The following PRRC2C variants were observed in gnomAD, a reference collection of about 807,000 sequenced individuals.
PRRC2C encodes the protein protein PRRC2C.
Under a neutral mutation model 317.2 loss-of-function variants are expected in PRRC2C, and 72 were observed. The observed-to-expected ratio is 0.23, with a 90% CI of 0.19 to 0.28. PRRC2C has a LOEUF of 0.28. PRRC2C is among the 10% of genes least tolerant of loss of function. PRRC2C has a pLI of 1.00. For missense variants in PRRC2C, 3,074 were observed against 3,459.7 expected, an observed-to-expected ratio of 0.89 and a Z score of 2.80; for synonymous variants, 1,296 against 1,205.9, an observed-to-expected ratio of 1.07 and a Z score of -1.55.
intron 1 of PRRC2C, among the ~76,000 whole-genome samples, chr1:171,506,441 G>T (rs1000689271): frequency 1.3e-5 from 2 of 151,966 alleles, no homozygotes; most frequent in African/African-American, 4.8e-5. Flanking sequence ...ACGTTTCTTA[G>T]ACTTGGGCTT....
At chr1:171,503,115 G>A (rs1669450798) in intron 1 of PRRC2C, among the ~76,000 whole-genome samples, 1 of 152,180 alleles carries the variant, frequency 6.6e-6, no homozygotes, top group East Asian at 1.9e-4. Flanking sequence ...AGTGTTACAG[G>A]TGTGGGTTAG....
In PRRC2C at chr1:171,515,873, C is replaced by T; in HGVS notation, c.526+14C>T. ...TACGTCCACCAAGTAAGAGTACTTT[C>T]TCTTTAATACAAAATGAGATCATAT... On this transcript the variant is annotated intron_variant, in intron 5 of 34. Coordinates refer to ENST00000647382, the MANE Select transcript of PRRC2C (RefSeq NM_001387844.1). 6.4e-7 allele frequency: 1 copy of T among 1,572,630 alleles called. No individual in the cohort carries two copies. Among genetic ancestry groups the T allele is most frequent in the Non-Finnish European group, 8.6e-7 (1 of 1,162,596 alleles).
intron 3 of PRRC2C, among the ~76,000 whole-genome samples, chr1:171,513,969 C>G (rs1252641683): frequency 1.3e-5 from 2 of 152,166 alleles, no homozygotes; most frequent in Non-Finnish European, 2.9e-5. Context: ...TAACTACTTT[C>G]TTATTTTTAA....
chr1:171,492,218 C>T (rs1457493299), intron 1 of PRRC2C, among the ~76,000 whole-genome samples: 3 of 152,132 alleles, frequency 2.0e-5, no homozygotes, highest in South Asian at 4.1e-4. Flanking sequence ...CTAGAGTCTT[C>T]TGGCATTTTG....
At chr1:171,562,163 C>A (rs1170750610) in intron 20 of PRRC2C, among the ~76,000 whole-genome samples, 2 of 152,180 alleles carry the variant, frequency 1.3e-5, no homozygotes, top group East Asian at 1.9e-4. Flanking sequence ...AGAGAGTATG[C>A]TATTCAAATG....
chr1:171,591,127 A>G (rs1651323210), intron 34 of PRRC2C: 1 of 983,356 alleles, frequency 1.0e-6, no homozygotes, highest in Non-Finnish European at 1.2e-6. Flanking sequence ...CGTAGTTACT[A>G]ATTTCTGATG....
At chr1:171,544,944 A>G (rs775629329) in intron 16 of PRRC2C, among the ~76,000 whole-genome samples, 2 of 152,240 alleles carry the variant, frequency 1.3e-5, no homozygotes, top group Non-Finnish European at 2.9e-5. Context: ...AATAAGAACT[A>G]TTAAGAACTG....
intron 10 of PRRC2C, among the ~76,000 whole-genome samples, chr1:171,526,812 T>TTTTTTTTG (rs1674666175): frequency 7.6e-6 from 1 of 131,936 alleles, no homozygotes; most frequent in African/African-American, 2.9e-5. Flanking sequence ...TATCTTTTTT[T>TTTTTTTTG]TTTTTTTTTT....
At position 171,575,248 on chromosome 1, in the gene PRRC2C, G is replaced by A. The variant is rs1685503770; in HGVS notation, c.6955+120G>A. ...AGTAATATTCAATCTTCCCACCTCA[G>A]CCTCCCAAAGTGCTGGGATTACAGG... On this transcript the variant is annotated intron_variant, in intron 25 of 34. Coordinates refer to ENST00000647382, the MANE Select transcript of PRRC2C (RefSeq NM_001387844.1). 3.0e-6 allele frequency: 3 copies of A among 999,734 alleles called. No homozygotes were observed. In the Admixed American group the frequency reaches 7.8e-5, roughly 26 times the overall value. The allele number at this position is 999,734 out of a possible 1,614,324, so 61.9% of individuals were successfully genotyped here.
chr1:171,542,521 T>C (rs771673221), intron 16 of PRRC2C, among the ~76,000 whole-genome samples: 2 of 152,168 alleles, frequency 1.3e-5, no homozygotes, highest in Non-Finnish European at 2.9e-5. Flanking sequence ...TGTCCTTATT[T>C]GGTAAGTTAT....
chr1:171,505,348 A>G (rs565621409), intron 1 of PRRC2C, among the ~76,000 whole-genome samples: 12 of 152,058 alleles, frequency 7.9e-5, no homozygotes, highest in African/African-American at 2.9e-4. Flanking sequence ...TTTTATTGCT[A>G]TTACAAATGG....
In PRRC2C at chr1:171,557,688, C is replaced by G. The variant is rs759822805; in HGVS notation, c.5576C>G (p.Ala1859Gly). Reference protein sequence around the residue: ...VSTPASVTILASASIPILASA... With the variant: ...VSTPASVTILGSASIPILASA... ...ACCCCAGCTTCTGTCACCATTCTTG[C>G]CTCAGCCTCAATTCCCATTCTTGCT... Residue 1859 changes from alanine to glycine, a missense_variant, in exon 19 of 35, where the codon GCC (alanine) becomes GGC (glycine). Around this residue, in one of 11 missense-constraint regions of PRRC2C, gnomAD observed 640 missense variants for 676.1 expected, o/e 0.95. Coordinates refer to ENST00000647382, the MANE Select transcript of PRRC2C (RefSeq NM_001387844.1). The G allele has an allele frequency of 6.4e-7, 1 of 1,551,558 alleles. No individual in the cohort carries two copies. The highest frequency in any genetic ancestry group is 1.2e-5 in the South Asian group (1 of 84,050).
intron 9 of PRRC2C, 79 bp from the exon 10 acceptor site, chr1:171,524,742 T>A: frequency 7.3e-7 from 1 of 1,375,716 alleles, no homozygotes; most frequent in Non-Finnish European, 9.6e-7. Context: ...ACAGAAATAA[T>A]TTTTTTAATT....
intron 6 of PRRC2C, among the ~76,000 whole-genome samples, chr1:171,520,829 G>A (rs918759901): frequency 2.2e-5 from 3 of 134,320 alleles, no homozygotes; most frequent in Non-Finnish European, 4.7e-5. Flanking sequence ...TAATAAAGAC[G>A]GAGTTTCGCT....
In PRRC2C at chr1:171,561,118, T is replaced by C. The variant is rs374018973; in HGVS notation, c.6117+15T>C. On this transcript the variant is annotated intron_variant, in intron 20 of 34. Transcript: ENST00000647382. ...CTTCATCAGAGGTAAGAATAGGCTTTTAACAGCATAGGTGTGCTGGATTTT... is the reference window on the plus strand; with the variant it reads ...CTTCATCAGAGGTAAGAATAGGCTTCTAACAGCATAGGTGTGCTGGATTTT... 1 of 1,555,090 alleles carries C rather than the reference T, an allele frequency of 6.4e-7. No individual in the cohort carries two copies. The highest frequency in any genetic ancestry group is 1.4e-5 in the African/African-American group (1 of 73,654).
rs1346316979 is a variant in PRRC2C, at chr1:171,566,331, T to A, written c.6216T>A (p.Pro2072=). The part of the protein sequence containing the change: ...ASNGNENEVV[P]VLSEKSADKI... ...ATGGAAATGAAAATGAAGTTGTTCC[T>A]GTGCTTTCGGAAAAATCTGCTGACA... Residue 2072 remains proline (P), a synonymous_variant, in exon 21 of 35, where the codon CCT becomes CCA. Transcript: ENST00000647382. The A allele has an allele frequency of 1.9e-6, 3 of 1,603,618 alleles. No homozygotes were observed. Among genetic ancestry groups the A allele is most frequent in the Non-Finnish European group, 2.6e-6 (3 of 1,174,918 alleles).
intron 7 of PRRC2C, among the ~76,000 whole-genome samples, chr1:171,522,864 TTTC>T (rs950703139): frequency 1.4e-5 from 2 of 146,762 alleles, no homozygotes; most frequent in African/African-American, 2.4e-5. Context: ...CCCCATTTTC[TTTC>T]TTTTTTTTTT....
intron 16 of PRRC2C, among the ~76,000 whole-genome samples, chr1:171,543,501 T>G (rs1462596532): frequency 6.6e-6 from 1 of 152,140 alleles, no homozygotes; most frequent in Non-Finnish European, 1.5e-5. Context: ...ATAATAGCAC[T>G]TAATGTGTGA....
chr1:171,533,041 T>C, intron 12 of PRRC2C, 80 bp downstream of exon 12: 1 of 1,286,874 alleles, frequency 7.8e-7, no homozygotes, highest in Non-Finnish European at 1.0e-6. Context: ...TTGTATATTT[T>C]AAATATATGT....
Sources: gnomAD v4.1 joint callset for allele counts (sites outside exome capture counted in the v4.1 genomes callset) on GRCh38, gnomAD v4.1.1 for gene constraint, gnomAD v4.1.1 regional missense constraint, MANE v1.5 for transcripts, NCBI Gene and HGNC (gene_info 2026-07-23, HGNC 2026-07-21) for gene names.